The following PHLDB3 variants were observed in gnomAD, a reference collection of about 807,000 sequenced individuals.
PHLDB3 encodes the protein pleckstrin homology-like domain family B member 3.
PHLDB3 carries 86 observed loss-of-function variants against 85.7 expected under a neutral mutation model. The ratio of observed to expected loss-of-function variants is 1.00; its 90% confidence interval spans 0.84 to 1.20. The LOEUF is 1.20. Ranked by LOEUF, PHLDB3 falls within the 50% of genes most tolerant of loss-of-function variation. The pLI, the probability that PHLDB3 is intolerant of heterozygous loss-of-function variation, is 0.00. For synonymous variants in PHLDB3, 376 were observed against 349.8 expected (o/e 1.07, Z -0.83); for missense variants, 995 against 873.0 (o/e 1.14, Z -1.76).
At chr19:43,481,793 CAAA>C (rs201871531) in intron 13 of PHLDB3, among the ~76,000 whole-genome samples, 1 of 110,094 alleles carries the variant, frequency 9.1e-6, no homozygotes, top group Admixed American at 9.8e-5. Flanking sequence ...GACCATGTCT[CAAA>C]AAAAAAAAAA....
chr19:43,494,750 A>G lies in PHLDB3; in HGVS notation c.1101T>C (p.Ala367=), dbSNP rs765525524. 9 of 1,613,334 alleles carry G rather than the reference A, an allele frequency of 5.6e-6. No homozygotes were observed. The highest frequency in any genetic ancestry group is 7.6e-6 in the Non-Finnish European group (9 of 1,179,802). Residue 367 remains alanine (A), a synonymous_variant, in exon 9 of 16, where the codon GCT becomes GCC. Coordinates refer to ENST00000292140, the MANE Select transcript of PHLDB3 (RefSeq NM_198850.4). ...AGAGGCAGGAAGAAGTAGGGGTGGC[A>G]GCGGAGTGGGCCACGGCATCCTGGA... ...LVLQDAVAHS[A]ATPTSSCLFS...
In PHLDB3 at chr19:43,479,531, C is replaced by T. The variant is rs759528371; in HGVS notation, c.1548G>A (p.Glu516=). 4 of 1,552,270 alleles carry T rather than the reference C, an allele frequency of 2.6e-6. No individual in the cohort carries two copies. In the South Asian group the frequency reaches 4.8e-5, roughly 18 times the overall value. ...AGTTTTCCGGGTTGTGGCCCCATCC[C>T]TCCAGATGCTGCCGGAGATCCAAGA... ...PRILDLRQHL[E]GWGHNPENCP... Residue 516 remains glutamate (E), a synonymous_variant, in exon 14 of 16, where the codon GAG becomes GAA. Transcript: ENST00000292140.
rs79271425 is a variant in PHLDB3 at position 43,498,580 on chromosome 19, G to C, written c.535-704C>G. Among the ~76,000 whole-genome samples, 26 of 152,318 alleles carry C rather than the reference G, an allele frequency of 1.7e-4. No homozygotes were observed. In the East Asian group the frequency reaches 5.0e-3, roughly 29 times the overall value. On this transcript the variant is annotated intron_variant, in intron 4 of 15. Coordinates refer to ENST00000292140, the MANE Select transcript of PHLDB3 (RefSeq NM_198850.4). ...TATGTGATACGGTGGATGCAGAAGTGGATTGTGTCTGGGCCCTGTCCTCCA... is the reference window on the plus strand; with the variant it reads ...TATGTGATACGGTGGATGCAGAAGTCGATTGTGTCTGGGCCCTGTCCTCCA...
At position 43,497,799 on chromosome 19, in the gene PHLDB3, G is replaced by A. The variant is rs777458339; in HGVS notation, c.612C>T (p.Leu204=). Residue 204 remains leucine, a synonymous_variant, in exon 5 of 16, where the codon CTC becomes CTT. Transcript: ENST00000292140. ...RQRLRKAQGQ[L]DSQPEDQRER... is the part of the protein sequence containing the mutation. Reference sequence around the variant, plus strand: ...CGCGTTGGTCCTCTGGCTGTGAGTCGAGCTGTCCCTGGGCCTTGCGGAGTC... The same window carrying A: ...CGCGTTGGTCCTCTGGCTGTGAGTCAAGCTGTCCCTGGGCCTTGCGGAGTC... 5.1e-6 allele frequency: 8 copies of A among 1,558,584 alleles called. No individual in the cohort carries two copies. The highest frequency in any genetic ancestry group is 4.8e-5 in the East Asian group (2 of 41,456).
chr19:43,503,009 TA>T (rs59219208), intron 2 of PHLDB3, among the ~76,000 whole-genome samples: 103,542 of 152,018 alleles, frequency 0.68, 35,213 homozygotes, highest in East Asian at 0.73. Context: ...ATCTGTCCAC[TA>T]GAATCACTAG....
At chr19:43,498,805 AAG>A (rs1291239972) in intron 4 of PHLDB3, among the ~76,000 whole-genome samples, 1 of 152,206 alleles carries the variant, frequency 6.6e-6, no homozygotes, top group East Asian at 1.9e-4. Flanking sequence ...GGGAAAATAA[AAG>A]GAGCTAGAAG....
intron 14 of PHLDB3, 41 bp from the exon 15 acceptor site, chr19:43,478,173 G>C (rs376316091): frequency 8.7e-5 from 132 of 1,519,714 alleles, no homozygotes; most frequent in Non-Finnish European, 1.2e-4. Context: ...CAGTGAGAAA[G>C]GTGTGTCTGT....
In PHLDB3 at chr19:43,487,591, A is replaced by AAAAAAAAAAAAAAAAAAAAAAAAC. The variant is rs1167897767; in HGVS notation, c.1150-469_1150-468insGTTTTTTTTTTTTTTTTTTTTTTT. ...CTCTGTCTCAAAAAAAAAAAAAAAA[A>AAAAAAAAAAAAAAAAAAAAAAAAC]ACACAGAAAAGAAAAAAAGAAATGT... On this transcript the variant is annotated intron_variant, in intron 9 of 15. Transcript: ENST00000292140. Among the ~76,000 whole-genome samples, 405 of 115,614 alleles carry AAAAAAAAAAAAAAAAAAAAAAAAC rather than the reference A, an allele frequency of 3.5e-3. 42 individuals carry two copies. Among genetic ancestry groups the AAAAAAAAAAAAAAAAAAAAAAAAC allele is most frequent in the Non-Finnish European group, 5.8e-3 (299 of 51,302 alleles). 75.8% of individuals were successfully genotyped at this position (115,614 alleles called of 152,430 possible).
At chr19:43,501,175 C>CTT (rs59042804) in intron 4 of PHLDB3, among the ~76,000 whole-genome samples, 277 of 83,574 alleles carry the variant, frequency 3.3e-3, no homozygotes, top group Non-Finnish European at 3.8e-3. Flanking sequence ...TTCTTTTTCT[C>CTT]TTTTTTTTTT....
At chr19:43,487,231 A>G in intron 9 of PHLDB3, 108 bp from the exon 10 acceptor site, 1 of 866,562 alleles carries the variant, frequency 1.2e-6, no homozygotes, top group Non-Finnish European at 1.9e-6. Flanking sequence ...TCAAAACACT[A>G]CTGTCCATGT....
At chr19:43,501,086 A>G (rs2145952592) in intron 4 of PHLDB3, among the ~76,000 whole-genome samples, 1 of 152,092 alleles carries the variant, frequency 6.6e-6, no homozygotes, top group Middle Eastern at 3.4e-3. Context: ...ACAAGAATGT[A>G]AGAATATTAA....
At position 43,487,052 on chromosome 19, in the gene PHLDB3, G is replaced by A. The variant is rs187217611; in HGVS notation, c.1221C>T (p.Ser407=). Residue 407 remains serine (S), a synonymous_variant, in exon 10 of 16, where the codon TCC becomes TCT. Coordinates refer to ENST00000292140, the MANE Select transcript of PHLDB3 (RefSeq NM_198850.4). ...TACAATGGAAGGACAGAGGTCGGGG[G>A]GATCCTCTCTGGCTCCCCCTCTCCC... is the stretch of plus-strand genomic sequence containing the variant. The part of the protein sequence containing the change: ...KRGERGSQRG[S]PRPLSFHCTE... The A allele has an allele frequency of 1.0e-4, 163 of 1,579,140 alleles. 1 individual carries two copies. In the African/African-American group the frequency reaches 1.7e-3, roughly 17 times the overall value.
At chr19:43,504,438 G>A (rs2145966676) in intron 1 of PHLDB3, 151 bp downstream of exon 1, 1 of 453,514 alleles carries the variant, frequency 2.2e-6, no homozygotes, top group Non-Finnish European at 3.9e-6. Context: ...TACCCTCCCA[G>A]CAGCCCCCTA....
chr19:43,479,440 T>G lies in PHLDB3; in HGVS notation c.1639A>C (p.Lys547Gln). Residue 547 changes from lysine (K) to glutamine (Q), a missense_variant, in exon 14 of 16, where the codon AAG becomes CAG. Transcript: ENST00000292140. The part of the protein sequence containing the change: ...GPLVKMGGRI[K>Q]TWRKRWFCFD... ...CAGAACCATCGCTTCCTCCAGGTCTTGATGCGGCCGCCCATCTTCACCAGG... is the reference window on the plus strand; with the variant it reads ...CAGAACCATCGCTTCCTCCAGGTCTGGATGCGGCCGCCCATCTTCACCAGG... The G allele has an allele frequency of 6.4e-7, 1 of 1,567,128 alleles. No individual in the cohort carries two copies. The highest frequency in any genetic ancestry group is 8.6e-7 in the Non-Finnish European group (1 of 1,156,310).
chr19:43,498,529 T>G (rs1484348119), intron 4 of PHLDB3, among the ~76,000 whole-genome samples: 1 of 151,544 alleles, frequency 6.6e-6, no homozygotes, highest in Non-Finnish European at 1.5e-5. Context: ...AGAAAGAAAA[T>G]TAATGAATGC....
rs747089094 is a variant in PHLDB3 at position 43,479,575 on chromosome 19, G to C, written c.1504C>G (p.His502Asp). The change falls in exon 14 of 16, where the codon CAC becomes GAC. Residue 502 changes from histidine to aspartate, a missense_variant. By Grantham distance (81) the His-to-Asp change is moderately conservative. Coordinates refer to ENST00000292140, the MANE Select transcript of PHLDB3 (RefSeq NM_198850.4). ...TCCAAGATTCGCGGGCCTGGAGGGT[G>C]GGGTGGGGTGGGTGGGGCCTGGGGA... is the stretch of plus-strand genomic sequence containing the variant. The part of the protein sequence containing the change: ...PAITAPPTPP[H>D]PPGPRILDLR... 5.9e-6 allele frequency: 9 copies of C among 1,518,276 alleles called. No individual in the cohort carries two copies. Among genetic ancestry groups the C allele is most frequent in the Non-Finnish European group, 7.1e-6 (8 of 1,119,996 alleles). The allele number at this position is 1,518,276 out of a possible 1,614,324, so 94.1% of individuals were successfully genotyped here.
At chr19:43,498,438 GAAAGAA>G (rs1971516862) in intron 4 of PHLDB3, among the ~76,000 whole-genome samples, 1 of 145,438 alleles carries the variant, frequency 6.9e-6, no homozygotes, top group Admixed American at 7.2e-5. Context: ...GGAGGGAAGA[GAAAGAA>G]AAAGAAAGAA....
intron 10 of PHLDB3, 45 bp downstream of exon 10, chr19:43,486,979 T>C: frequency 6.7e-7 from 1 of 1,491,944 alleles, no homozygotes; most frequent in East Asian, 2.4e-5. Flanking sequence ...TGCTGCAGGA[T>C]GAGTGCTGAT....
chr19:43,483,205 A>G (rs1971083801), intron 13 of PHLDB3, among the ~76,000 whole-genome samples: 1 of 152,154 alleles, frequency 6.6e-6, no homozygotes, highest in African/African-American at 2.4e-5. Context: ...GTATAAACAC[A>G]GATTTGAAGG....
Sources: gnomAD v4.1 joint callset for allele counts (sites outside exome capture counted in the v4.1 genomes callset) on GRCh38, gnomAD v4.1.1 for gene constraint, MANE v1.5 for transcripts, NCBI Gene and HGNC (gene_info 2026-07-23, HGNC 2026-07-21) for gene names.